Variants in FAM184B observed in about 807,000 individuals in gnomAD.
FAM184B encodes protein FAM184B.
In FAM184B, 111 loss-of-function variants were observed where a neutral mutation model predicts 135.9. The ratio of observed to expected loss-of-function variants is 0.82; its 90% CI spans 0.70 to 0.96. The LOEUF is 0.96. Ranked by LOEUF, FAM184B falls within the 40% of genes least tolerant of loss-of-function variation. The probability of loss-of-function intolerance (pLI) is 0.00; values close to 1 mark genes in which losing one functional copy is unlikely to be tolerated. For synonymous variants in FAM184B, 552 were observed against 524.8 expected (o/e 1.05, Z -0.71); for missense variants, 1,375 against 1,323.9 (o/e 1.04, Z -0.60).
In FAM184B at chr4:17,781,483, C is replaced by T; in HGVS notation, c.-184G>A. ...TCTCCGCCTCCCGGGCCCACCCGCGCGCCCACCCTTTTTCCTCTCCTGCTG... is the reference window on the plus strand; with the variant it reads ...TCTCCGCCTCCCGGGCCCACCCGCGTGCCCACCCTTTTTCCTCTCCTGCTG... On this transcript the variant is annotated 5_prime_UTR_variant, in exon 1 of 18. Transcript: ENST00000265018. This position sits in a 1 kb window ranked among gnomAD's most constrained non-coding sequence, Gnocchi z 6.5. 1.5e-6 allele frequency: 1 copy of T among 689,066 alleles called. No individual in the cohort carries two copies. Among genetic ancestry groups the T allele is most frequent in the South Asian group, 2.6e-5 (1 of 38,730 alleles). The allele number at this position is 689,066 out of a possible 1,614,324, so 42.7% of individuals were successfully genotyped here.
intron 7 of FAM184B, among the ~76,000 whole-genome samples, chr4:17,667,433 G>C (rs376574299): frequency 2.6e-5 from 4 of 152,128 alleles, no homozygotes; most frequent in African/African-American, 9.7e-5. Flanking sequence ...ATAAGTTCAC[G>C]TTCTGTTTAA....
chr4:17,632,731 A>G (rs576947377), intron 17 of FAM184B, 106 bp from the exon 18 acceptor site: 8 of 744,368 alleles, frequency 1.1e-5, no homozygotes, highest in South Asian at 1.0e-4. Flanking sequence ...TTACTCTTCA[A>G]AAACACCCAA....
At chr4:17,725,899 A>C (rs973526762) in intron 1 of FAM184B, among the ~76,000 whole-genome samples, 1 of 151,838 alleles carries the variant, frequency 6.6e-6, no homozygotes, top group Admixed American at 6.6e-5. Context: ...CAAATCCCAT[A>C]TATGTACGGA....
At position 17,632,084 on chromosome 4, in the gene FAM184B, T is replaced by C. The variant is rs1178919887; in HGVS notation, c.*448A>G. On this transcript the variant is annotated 3_prime_UTR_variant, in exon 18 of 18. Transcript: ENST00000265018. Reference sequence around the variant, plus strand: ...TTTTTTTTTTTTTTTTTTTTTTTTTTTTTGGAGACAGGGTCTCCCTCTGTC... The same window carrying C: ...TTTTTTTTTTTTTTTTTTTTTTTTTCTTTGGAGACAGGGTCTCCCTCTGTC... 1.6e-5 allele frequency: 1 copy of C among 61,032 alleles called. No individual in the cohort carries two copies. Among genetic ancestry groups the C allele is most frequent in the East Asian group, 7.8e-4 (1 of 1,280 alleles). 3.8% of individuals were successfully genotyped at this position (61,032 alleles called of 1,614,324 possible).
Position 17,669,385 on chromosome 4 carries a change from A to G in FAM184B, c.1597-4726T>C, listed in dbSNP as rs188464191. On this transcript the variant is annotated intron_variant, in intron 7 of 17. Transcript: ENST00000265018. ...TGCCATAAATTCAGGTTCTGTATAA[A>G]CCTGGGGAAATTGCATGGTGAACAT... 2.4e-4 allele frequency among the ~76,000 whole-genome samples: 36 copies of G among 152,350 alleles called. No individual in the cohort carries two copies. In the East Asian group the frequency reaches 5.8e-3, roughly 24 times the overall value.
chr4:17,726,555 A>T (rs1037884703), intron 1 of FAM184B, among the ~76,000 whole-genome samples: 1 of 152,066 alleles, frequency 6.6e-6, no homozygotes, highest in Non-Finnish European at 1.5e-5. Flanking sequence ...TATTTTTAGT[A>T]GAGACGGGGT....
At chr4:17,751,153 C>A (rs1718281472) in intron 1 of FAM184B, among the ~76,000 whole-genome samples, 1 of 151,782 alleles carries the variant, frequency 6.6e-6, no homozygotes, top group African/African-American at 2.4e-5. Context: ...ACTAAAAATA[C>A]AAAATTTAGC....
intron 5 of FAM184B, among the ~76,000 whole-genome samples, chr4:17,697,469 T>C (rs990753302): frequency 2.0e-5 from 3 of 152,192 alleles, no homozygotes; most frequent in African/African-American, 7.2e-5. Context: ...TATGATCCCC[T>C]TTTGCAGGGC....
At chr4:17,643,893 C>T (rs551430028) in intron 12 of FAM184B, among the ~76,000 whole-genome samples, 57 of 152,276 alleles carry the variant, frequency 3.7e-4, no homozygotes, top group African/African-American at 1.3e-3. Context: ...CTGATCCAGT[C>T]TAGGCAACAA....
At chr4:17,732,563 A>G (rs1169087371) in intron 1 of FAM184B, among the ~76,000 whole-genome samples, 1 of 152,258 alleles carries the variant, frequency 6.6e-6, no homozygotes, top group Non-Finnish European at 1.5e-5. Context: ...AAACACCTCT[A>G]CACAGATAAA....
At chr4:17,758,226 T>C (rs116513169) in intron 1 of FAM184B, among the ~76,000 whole-genome samples, 2,630 of 152,340 alleles carry the variant, frequency 0.017, 74 homozygotes, top group African/African-American at 0.061. Flanking sequence ...TTGTCAGTAC[T>C]AATTTCATTA....
At chr4:17,655,804 A>T (rs1215736989) in intron 10 of FAM184B, among the ~76,000 whole-genome samples, 2 of 152,312 alleles carry the variant, frequency 1.3e-5, no homozygotes, top group East Asian at 3.9e-4. Context: ...ATAAAAGTGA[A>T]CCTTTTAAAA....
At chr4:17,650,708 A>G (rs1715591976) in intron 11 of FAM184B, among the ~76,000 whole-genome samples, 1 of 152,154 alleles carries the variant, frequency 6.6e-6, no homozygotes, top group Non-Finnish European at 1.5e-5. Context: ...AGGCACCTCC[A>G]TTCCAGGGTA....
intron 1 of FAM184B, among the ~76,000 whole-genome samples, chr4:17,752,384 C>A (rs139691711): frequency 5.8e-4 from 88 of 151,850 alleles, no homozygotes; most frequent in Non-Finnish European, 1.1e-3. Context: ...ATGGGAGGAG[C>A]AGGCAATGAA....
chr4:17,732,316 G>T (rs140952309), intron 1 of FAM184B, among the ~76,000 whole-genome samples: 10 of 151,966 alleles, frequency 6.6e-5, no homozygotes, highest in African/African-American at 2.4e-4. Context: ...GCTAGCAGAA[G>T]GCAAGAAATA....
intron 1 of FAM184B, among the ~76,000 whole-genome samples, chr4:17,760,494 A>G (rs909508713): frequency 1.3e-5 from 2 of 151,812 alleles, no homozygotes; most frequent in Non-Finnish European, 2.9e-5. Flanking sequence ...AAAAACAAAC[A>G]AACAAACAAA....
At chr4:17,733,984 T>C (rs1321950483) in intron 1 of FAM184B, among the ~76,000 whole-genome samples, 2 of 152,230 alleles carry the variant, frequency 1.3e-5, no homozygotes, top group South Asian at 2.1e-4. Flanking sequence ...AAAACAGAGA[T>C]ATAGATCAAT....
rs55801096 is a variant in FAM184B at position 17,740,351 on chromosome 4, C to CAAA, written c.142-30710_142-30708dup. ...TGGGCGACAGAGTAAGACCCTGTCT[C>CAAA]AAAAAAAAAAAAAAAAAAAAAAGTC... On this transcript the variant is annotated intron_variant, in intron 1 of 17. Transcript: ENST00000265018. Among the ~76,000 whole-genome samples the CAAA allele has an allele frequency of 7.2e-3, 591 of 82,316 alleles. 16 individuals carry two copies. The highest frequency in any genetic ancestry group is 0.063 in the East Asian group (182 of 2,894). The allele number at this position is 82,316 out of a possible 152,430, so 54.0% of individuals were successfully genotyped here. A position where few individuals can be genotyped will look rare whatever the true frequency, so the allele number is the denominator to read the frequency against.
At chr4:17,713,076 T>C (rs950702456) in intron 1 of FAM184B, among the ~76,000 whole-genome samples, 27 of 152,260 alleles carry the variant, frequency 1.8e-4, no homozygotes, top group Non-Finnish European at 3.2e-4. Flanking sequence ...TTTTTGTCTG[T>C]CTTCCTCACC....
Sources: gnomAD v4.1 joint callset for allele counts (sites outside exome capture counted in the v4.1 genomes callset) on GRCh38, gnomAD v4.1.1 for gene constraint, Gnocchi (gnomAD v3.1) non-coding constraint, MANE v1.5 for transcripts, NCBI Gene and HGNC (gene_info 2026-07-23, HGNC 2026-07-21) for gene names.